CCDC171: variants seen among roughly 807,000 people sequenced by gnomAD.
CCDC171 encodes the protein coiled-coil domain containing 171.
Under a neutral mutation model 168.2 loss-of-function variants are expected in CCDC171, and 177 were observed. The ratio of observed to expected loss-of-function variants is 1.05; its 90% CI spans 0.93 to 1.19. The LOEUF is 1.19. CCDC171 is among the 50% of genes most tolerant of loss of function. CCDC171 has a pLI of 0.00. For missense variants in CCDC171, 1,991 were observed against 1,539.0 expected, an observed-to-expected ratio of 1.29 and a Z score of -4.91; for synonymous variants, 687 against 540.8, an observed-to-expected ratio of 1.27 and a Z score of -3.75.
intron 7 of CCDC171, among the ~76,000 whole-genome samples, chr9:15,624,537 T>C (rs201204288): frequency 6.6e-6 from 1 of 152,072 alleles, no homozygotes; most frequent in Non-Finnish European, 1.5e-5. Flanking sequence ...TGTTCAATTC[T>C]CACCTATGAG....
At chr9:15,712,443 G>A (rs977736300) in intron 11 of CCDC171, among the ~76,000 whole-genome samples, 1 of 152,188 alleles carries the variant, frequency 6.6e-6, no homozygotes, top group African/African-American at 2.4e-5. Flanking sequence ...AACATAGTAA[G>A]ACCAGTGAAT....
chr9:16,093,655 G>T, the CCDC171 span, among the ~76,000 whole-genome samples: 2 of 152,104 alleles, frequency 1.3e-5, no homozygotes, highest in Non-Finnish European at 2.9e-5. Flanking sequence ...TTTGTTCCTT[G>T]CTTTAAGGGT....
chr9:15,910,834 A>G (rs1374897088), intron 24 of CCDC171, among the ~76,000 whole-genome samples: 1 of 152,056 alleles, frequency 6.6e-6, no homozygotes, highest in Non-Finnish European at 1.5e-5. Context: ...GTTGAGAATG[A>G]TGGTTTCCAG....
intron 21 of CCDC171, among the ~76,000 whole-genome samples, chr9:15,822,269 A>G (rs2136112432): frequency 6.6e-6 from 1 of 152,262 alleles, no homozygotes; most frequent in South Asian, 2.1e-4. Context: ...GGACATAGGC[A>G]TGGGCAAGGA....
intron 3 of CCDC171, among the ~76,000 whole-genome samples, chr9:15,574,359 G>A (rs1295066803): frequency 6.6e-6 from 1 of 151,842 alleles, no homozygotes; most frequent in East Asian, 1.9e-4. Flanking sequence ...TGGCCAGGCT[G>A]GTCTCGAACT....
At chr9:15,870,925 T>C (rs899574231) in intron 23 of CCDC171, among the ~76,000 whole-genome samples, 5 of 151,340 alleles carry the variant, frequency 3.3e-5, no homozygotes, top group Admixed American at 6.6e-5. Context: ...TGGATTATTA[T>C]AGTAAAATAT....
At chr9:16,032,105 C>G (rs1425714409) in intron 6 of CCDC171, among the ~76,000 whole-genome samples, 1 of 152,172 alleles carries the variant, frequency 6.6e-6, no homozygotes, top group Non-Finnish European at 1.5e-5. Flanking sequence ...GATGGGCTTT[C>G]AACCCACCCA....
the CCDC171 span, among the ~76,000 whole-genome samples, chr9:16,086,415 C>T: frequency 6.6e-6 from 1 of 150,948 alleles, no homozygotes; most frequent in Admixed American, 6.6e-5. Context: ...TCAGGTGATT[C>T]TCCTGCCTCA....
At chr9:15,724,719 C>A in intron 13 of CCDC171, 57 bp from the exon 14 acceptor site, 1 of 1,105,836 alleles carries the variant, frequency 9.0e-7, no homozygotes, top group Non-Finnish European at 1.4e-6. Flanking sequence ...TACTAGTGTC[C>A]CCTCACCCCT....
intron 7 of CCDC171, among the ~76,000 whole-genome samples, chr9:15,629,256 C>A (rs1020608007): frequency 2.6e-5 from 4 of 152,006 alleles, no homozygotes; most frequent in African/African-American, 9.7e-5. Context: ...AAATTCAAAC[C>A]AAAGGCAAAG....
chr9:16,083,438 C>T, the CCDC171 span, among the ~76,000 whole-genome samples: 3 of 152,156 alleles, frequency 2.0e-5, no homozygotes, highest in Non-Finnish European at 4.4e-5. Context: ...ACTCTGAGAT[C>T]ACATCCAGAA....
At chr9:15,851,185 C>T (rs1333036027) in intron 23 of CCDC171, among the ~76,000 whole-genome samples, 4 of 151,894 alleles carry the variant, frequency 2.6e-5, no homozygotes, top group Non-Finnish European at 5.9e-5. Context: ...TTTTAAGCAA[C>T]ATATTTCATT....
At chr9:16,041,068 C>T (rs1050943269), upstream of CCDC171, among the ~76,000 whole-genome samples, 2 of 152,060 alleles carry the variant, frequency 1.3e-5, no homozygotes, top group African/African-American at 4.8e-5. Context: ...ATTGGGTGCC[C>T]AACATTAAAA....
intron 7 of CCDC171, among the ~76,000 whole-genome samples, chr9:15,645,147 TC>T (rs1262144039): frequency 2.0e-5 from 3 of 152,174 alleles, no homozygotes; most frequent in Admixed American, 6.5e-5. Flanking sequence ...GGAGTGGACC[TC>T]CAGCAAACTC....
At chr9:15,913,422 C>A (rs1442037918) in intron 24 of CCDC171, among the ~76,000 whole-genome samples, 1 of 152,060 alleles carries the variant, frequency 6.6e-6, no homozygotes, top group Non-Finnish European at 1.5e-5. Flanking sequence ...TGTCTCTTTT[C>A]TTCTTTATTT....
chr9:15,717,678 G>C (rs2053180362), intron 11 of CCDC171, among the ~76,000 whole-genome samples: 1 of 152,204 alleles, frequency 6.6e-6, no homozygotes, highest in Non-Finnish European at 1.5e-5. Flanking sequence ...GCAGAGTCCT[G>C]AGACACTCAT....
At chr9:15,645,838 G>C (rs545484562) in intron 7 of CCDC171, among the ~76,000 whole-genome samples, 8 of 152,320 alleles carry the variant, frequency 5.3e-5, no homozygotes, top group African/African-American at 1.9e-4. Context: ...ATATTATCCA[G>C]GAGAATTTCC....
At chr9:15,578,098 A>G (rs549554617) in intron 3 of CCDC171, among the ~76,000 whole-genome samples, 2 of 152,314 alleles carry the variant, frequency 1.3e-5, no homozygotes, top group Non-Finnish European at 2.9e-5. Context: ...AATATTTATT[A>G]AACTATACTT....
At chr9:15,565,826 A>G (rs916342789) in intron 2 of CCDC171, among the ~76,000 whole-genome samples, 2 of 152,210 alleles carry the variant, frequency 1.3e-5, no homozygotes, top group African/African-American at 2.4e-5. Context: ...ATGTTTGCAT[A>G]TGTCTTTGTG....
Sources: gnomAD v4.1 joint callset for allele counts (sites outside exome capture counted in the v4.1 genomes callset) on GRCh38, gnomAD v4.1.1 for gene constraint, MANE v1.5 for transcripts, NCBI Gene and HGNC (gene_info 2026-07-23, HGNC 2026-07-21) for gene names.